The following ENTREP2 variants were observed in gnomAD, a reference collection of about 807,000 sequenced individuals.
ENTREP2 encodes the protein endosomal transmembrane epsin interactor 2, also known as protein ENTREP2.
At chr15:29,244,051 T>C in the ENTREP2 span, among the ~76,000 whole-genome samples, 2 of 152,230 alleles carry the variant, frequency 1.3e-5, no homozygotes, top group Admixed American at 1.3e-4. Flanking sequence ...TTAAATAATA[T>C]ATTAACAAAG....
At chr15:29,303,795 T>A in the ENTREP2 span, among the ~76,000 whole-genome samples, 1 of 152,214 alleles carries the variant, frequency 6.6e-6, no homozygotes, top group Non-Finnish European at 1.5e-5. Flanking sequence ...GGCCTCCAGT[T>A]CCATCTATGT....
the ENTREP2 span, among the ~76,000 whole-genome samples, chr15:29,439,156 C>T: frequency 0.44 from 66,669 of 151,662 alleles, 14,884 homozygotes; most frequent in African/African-American, 0.5. Flanking sequence ...ACGATCCAAT[C>T]ACTCTGAGCT....
the ENTREP2 span, among the ~76,000 whole-genome samples, chr15:29,357,857 G>GAA: frequency 3.2e-4 from 39 of 123,290 alleles, no homozygotes; most frequent in African/African-American, 6.9e-4. Context: ...GAAAAGAAAA[G>GAA]AAAAAAAAAA....
At chr15:29,556,604 T>G in the ENTREP2 span, among the ~76,000 whole-genome samples, 64 of 152,284 alleles carry the variant, frequency 4.2e-4, no homozygotes, top group African/African-American at 1.5e-3. Flanking sequence ...CTCTGAGCCT[T>G]TCTTGCAAGA....
chr15:29,528,625 C>A, the ENTREP2 span, among the ~76,000 whole-genome samples: 2 of 152,272 alleles, frequency 1.3e-5, no homozygotes, highest in East Asian at 3.9e-4. Context: ...ACTTCCTCAC[C>A]AAACACATCT....
At chr15:29,305,119 C>A in the ENTREP2 span, among the ~76,000 whole-genome samples, 1 of 152,132 alleles carries the variant, frequency 6.6e-6, no homozygotes, top group Non-Finnish European at 1.5e-5. Context: ...CTCAAATCCT[C>A]AAAACAGTGT....
At chr15:29,433,768 G>C in the ENTREP2 span, among the ~76,000 whole-genome samples, 1 of 112,206 alleles carries the variant, frequency 8.9e-6, no homozygotes, top group Admixed American at 1.1e-4. Flanking sequence ...ACCAAACACA[G>C]ACTCCTCCAT....
chr15:29,525,910 G>A, the ENTREP2 span, among the ~76,000 whole-genome samples: 1 of 152,020 alleles, frequency 6.6e-6, no homozygotes, highest in Non-Finnish European at 1.5e-5. Context: ...CAGAAATAAG[G>A]CCCTCCTTTC....
the ENTREP2 span, among the ~76,000 whole-genome samples, chr15:29,589,686 G>A: frequency 6.6e-6 from 1 of 152,186 alleles, no homozygotes; most frequent in Admixed American, 6.5e-5. Flanking sequence ...CAGCTATTCG[G>A]ATGTCAACTC....
chr15:29,493,327 G>T, the ENTREP2 span, among the ~76,000 whole-genome samples: 3 of 150,224 alleles, frequency 2.0e-5, no homozygotes, highest in Non-Finnish European at 3.0e-5. Context: ...TAGAGACGGG[G>T]TTTCACCGTT....
At chr15:29,124,566 C>T in the ENTREP2 span, 4 of 764,242 alleles carry the variant, frequency 5.2e-6, no homozygotes, top group African/African-American at 5.3e-5. Context: ...AGTGGGCAGC[C>T]CCCATTCCCG....
chr15:29,317,703 C>CA, the ENTREP2 span, among the ~76,000 whole-genome samples: 7 of 152,080 alleles, frequency 4.6e-5, no homozygotes, highest in African/African-American at 1.7e-4. Context: ...GGCCCTAAAG[C>CA]AAAAAGTGCT....
At chr15:29,269,278 A>G in the ENTREP2 span, 1 of 1,614,088 alleles carries the variant, frequency 6.2e-7, no homozygotes, top group Non-Finnish European at 8.5e-7. Flanking sequence ...TTCAAGTTCC[A>G]CCAGCTTATA....
chr15:29,301,466 T>C, the ENTREP2 span, among the ~76,000 whole-genome samples: 187 of 152,342 alleles, frequency 1.2e-3, 1 homozygote, highest in East Asian at 0.033. Flanking sequence ...TTTCTGTGAT[T>C]TTACGGTAAT....
the ENTREP2 span, among the ~76,000 whole-genome samples, chr15:29,339,928 C>T: frequency 6.6e-6 from 1 of 152,198 alleles, no homozygotes; most frequent in Non-Finnish European, 1.5e-5. Flanking sequence ...ATGGAGTCGC[C>T]AGATAGATAT....
At chr15:29,335,062 C>T in the ENTREP2 span, among the ~76,000 whole-genome samples, 3 of 152,166 alleles carry the variant, frequency 2.0e-5, no homozygotes, top group East Asian at 1.9e-4. Flanking sequence ...ACAGCTGCCC[C>T]GGCCATCTCC....
the ENTREP2 span, among the ~76,000 whole-genome samples, chr15:29,128,339 A>G: frequency 3.9e-5 from 6 of 152,026 alleles, no homozygotes; most frequent in African/African-American, 1.4e-4. Flanking sequence ...GTGTCCTTCA[A>G]TGCCCTCAAG....
chr15:29,480,885 C>A, the ENTREP2 span, among the ~76,000 whole-genome samples: 1 of 152,062 alleles, frequency 6.6e-6, no homozygotes, highest in Admixed American at 6.6e-5. Flanking sequence ...AGGGGACCAC[C>A]ATGGGAAGGA....
At chr15:29,459,497 C>T in the ENTREP2 span, among the ~76,000 whole-genome samples, 1 of 152,176 alleles carries the variant, frequency 6.6e-6, no homozygotes, top group African/African-American at 2.4e-5. Context: ...CTCAATTCTC[C>T]AGTCTTCACA....
Sources: gnomAD v4.1 joint callset for allele counts (sites outside exome capture counted in the v4.1 genomes callset) on GRCh38, gnomAD v4.1.1 for gene constraint, MANE v1.5 for transcripts, NCBI Gene and HGNC (gene_info 2026-07-23, HGNC 2026-07-21) for gene names.